RBFOX1: variants seen among roughly 807,000 people sequenced by gnomAD.
RBFOX1 encodes the protein RNA binding fox-1 homolog 1, also known as RNA binding protein fox-1 homolog 1.
RBFOX1 carries 8 observed loss-of-function variants against 57.7 expected under a neutral mutation model. The ratio of observed to expected loss-of-function variants is 0.14; its 90% confidence interval spans 0.08 to 0.25. The LOEUF is 0.25. Among genes scored for constraint, RBFOX1 ranks in the 10% least tolerant of loss-of-function variants. RBFOX1 has a pLI of 1.00. For synonymous variants in RBFOX1, 326 were observed against 222.4 expected (o/e 1.47, Z -4.15); for missense variants, 611 against 548.5 (o/e 1.11, Z -1.14).
At chr16:5,562,379 C>T (rs949801683) in intron 2 of RBFOX1, among the ~76,000 whole-genome samples, 2 of 152,122 alleles carry the variant, frequency 1.3e-5, no homozygotes, top group African/African-American at 4.8e-5. Flanking sequence ...AGTGAAGAAC[C>T]TCTTGGTCCT....
intron 4 of RBFOX1, among the ~76,000 whole-genome samples, chr16:5,905,255 A>G (rs1353146623): frequency 6.6e-6 from 1 of 151,316 alleles, no homozygotes; most frequent in Non-Finnish European, 1.5e-5. Context: ...ATTAGTAGAG[A>G]CGGCCCAGGC....
intron 4 of RBFOX1, among the ~76,000 whole-genome samples, chr16:5,960,141 C>T (rs189478490): frequency 2.0e-3 from 303 of 152,102 alleles, no homozygotes; most frequent in Non-Finnish European, 3.5e-3. Context: ...GCGGAGGCTG[C>T]AGTGAGCCAA....
intron 4 of RBFOX1, among the ~76,000 whole-genome samples, chr16:7,348,641 A>G (rs1022444353): frequency 6.6e-6 from 1 of 152,202 alleles, no homozygotes; most frequent in African/African-American, 2.4e-5. Flanking sequence ...AATCCTATAG[A>G]TTACAGAATT....
At chr16:7,379,360 A>G (rs897612177) in intron 4 of RBFOX1, among the ~76,000 whole-genome samples, 2 of 152,214 alleles carry the variant, frequency 1.3e-5, no homozygotes, top group African/African-American at 4.8e-5. Flanking sequence ...GGAGACAAAA[A>G]TACTTCAGTA....
intron 3 of RBFOX1, among the ~76,000 whole-genome samples, chr16:5,770,849 T>C (rs537476486): frequency 6.6e-6 from 1 of 152,330 alleles, no homozygotes; most frequent in South Asian, 2.1e-4. Flanking sequence ...ACATCACTAG[T>C]TGATCACGGC....
rs1330092585 is a variant in RBFOX1 at position 6,019,507 on chromosome 16, C to G, written c.-612C>G. ...TCCGCCCCAGCCCCCCAGCAGCACCCGCGGTGGGGCGGGGGCGCTCTGCCA... is the reference window on the plus strand; with the variant it reads ...TCCGCCCCAGCCCCCCAGCAGCACCGGCGGTGGGGCGGGGGCGCTCTGCCA... On this transcript the variant is annotated 5_prime_UTR_variant, in exon 1 of 16. Coordinates refer to ENST00000550418, the MANE Select transcript of RBFOX1 (RefSeq NM_018723.4). The surrounding 1 kb of genome is among the most constrained non-coding windows in gnomAD (Gnocchi z 4.2). 1.9e-6 allele frequency: 2 copies of G among 1,034,050 alleles called. No homozygotes were observed. The highest frequency in any genetic ancestry group is 2.3e-6 in the Non-Finnish European group (2 of 861,764). The allele number at this position is 1,034,050 out of a possible 1,614,324, so 64.1% of individuals were successfully genotyped here.
intron 4 of RBFOX1, among the ~76,000 whole-genome samples, chr16:7,112,208 CA>C (rs2064925873): frequency 6.6e-6 from 1 of 151,994 alleles, no homozygotes; most frequent in South Asian, 2.1e-4. Context: ...ACATAGTCAG[CA>C]AACCAATTCA....
chr16:5,477,606 C>G (rs2069375066), intron 2 of RBFOX1, among the ~76,000 whole-genome samples: 2 of 152,128 alleles, frequency 1.3e-5, no homozygotes, highest in Admixed American at 6.5e-5. Flanking sequence ...TGATTTTTGT[C>G]TAGACGATAT....
At chr16:6,682,718 C>T (rs754017989) in intron 3 of RBFOX1, among the ~76,000 whole-genome samples, 1 of 151,844 alleles carries the variant, frequency 6.6e-6, no homozygotes, top group East Asian at 1.9e-4. Flanking sequence ...CCCTGTTTGA[C>T]GATCATGGTG....
At chr16:5,753,087 G>C (rs1428480131) in intron 3 of RBFOX1, among the ~76,000 whole-genome samples, 2 of 152,038 alleles carry the variant, frequency 1.3e-5, no homozygotes, top group Non-Finnish European at 2.9e-5. Flanking sequence ...TTTAACCTAG[G>C]AGGTTGAGAC....
At chr16:6,369,381 A>T (rs781378793) in intron 2 of RBFOX1, among the ~76,000 whole-genome samples, 26 of 152,218 alleles carry the variant, frequency 1.7e-4, no homozygotes, top group Non-Finnish European at 2.8e-4. Flanking sequence ...ATGGAAAAAC[A>T]TTGTGAAGGA....
At chr16:5,678,061 T>C (rs190532094) in intron 3 of RBFOX1, among the ~76,000 whole-genome samples, 3 of 152,338 alleles carry the variant, frequency 2.0e-5, no homozygotes, top group Non-Finnish European at 2.9e-5. Flanking sequence ...CACTATTGTG[T>C]TGGTGTCGAT....
At chr16:5,648,009 A>G (rs1269634279) in intron 3 of RBFOX1, among the ~76,000 whole-genome samples, 1 of 152,120 alleles carries the variant, frequency 6.6e-6, no homozygotes, top group Non-Finnish European at 1.5e-5. Context: ...ATAGGCATGC[A>G]GCACTGTCCC....
intron 3 of RBFOX1, among the ~76,000 whole-genome samples, chr16:6,823,820 C>G (rs1278523116): frequency 2.0e-5 from 3 of 152,118 alleles, no homozygotes; most frequent in Non-Finnish European, 2.9e-5. Flanking sequence ...CTCTGGGGAC[C>G]TAGCCAGGTA....
At chr16:6,668,331 G>A (rs1321415987) in intron 3 of RBFOX1, among the ~76,000 whole-genome samples, 1 of 152,174 alleles carries the variant, frequency 6.6e-6, no homozygotes, top group East Asian at 1.9e-4. Flanking sequence ...AGGAGTGAGA[G>A]CCACAGGGCA....
chr16:6,467,413 G>A (rs1247931220), intron 2 of RBFOX1, among the ~76,000 whole-genome samples: 1 of 152,024 alleles, frequency 6.6e-6, no homozygotes, highest in Non-Finnish European at 1.5e-5. Context: ...AATTATTTAT[G>A]TTACTGTTAA....
intron 6 of RBFOX1, among the ~76,000 whole-genome samples, chr16:7,585,926 C>A (rs749774117): frequency 3.5e-4 from 54 of 152,212 alleles, no homozygotes; most frequent in Non-Finnish European, 6.6e-4. Flanking sequence ...CCACCCCTCA[C>A]CCCAGTCGCT....
intron 1 of RBFOX1, among the ~76,000 whole-genome samples, chr16:5,260,428 AGAAGTAG>A (rs2062705651): frequency 6.6e-6 from 1 of 152,240 alleles, no homozygotes; most frequent in Admixed American, 6.5e-5. Flanking sequence ...TTTAAAAACA[AGAAGTAG>A]CAAATTGAAT....
intron 4 of RBFOX1, among the ~76,000 whole-genome samples, chr16:7,456,616 G>A (rs2058561274): frequency 6.6e-6 from 1 of 152,172 alleles, no homozygotes; most frequent in African/African-American, 2.4e-5. Context: ...GGGTATTGTG[G>A]TTGGGAGAAC....
Sources: allele counts gnomAD v4.1 joint callset (sites outside exome capture counted in the v4.1 genomes callset), GRCh38; gene constraint gnomAD v4.1.1; non-coding constraint Gnocchi (gnomAD v3.1); transcripts MANE v1.5; gene names NCBI Gene and HGNC (gene_info 2026-07-23, HGNC 2026-07-21).